SDAD1: variants seen among roughly 807,000 people sequenced by gnomAD.
The protein encoded by SDAD1 is SDA1 domain containing 1.
A neutral mutation model predicts 100.3 loss-of-function variants in SDAD1; 79 were observed. That is an observed-to-expected ratio of 0.79 (90% confidence interval 0.66 to 0.95). The LOEUF (loss-of-function observed/expected upper bound fraction) is 0.95. Among genes scored for constraint, SDAD1 ranks in the 40% least tolerant of loss-of-function variants. The probability of loss-of-function intolerance (pLI) is 0.00; values close to 1 mark genes in which losing one functional copy is unlikely to be tolerated. For missense variants in SDAD1, 790 were observed against 810.9 expected (o/e 0.97, Z 0.31); for synonymous variants, 267 against 271.4 (o/e 0.98, Z 0.16).
At position 75,957,874 on chromosome 4, in the gene SDAD1, G is replaced by C. The variant is rs138792182; in HGVS notation, c.1551C>G (p.His517Gln). ...TTTCTTGCTGTTCTTCATCGGAAGA[G>C]TGTTGCACATCAATCCATTCACCAT... ...DADGEWIDVQ[H>Q]SSDEEQQEIS... Residue 517 changes from histidine (H) to glutamine (Q), a missense_variant, in exon 18 of 22, where the codon CAC becomes CAG. Coordinates refer to ENST00000356260, the MANE Select transcript of SDAD1 (RefSeq NM_018115.4). 10 of 1,613,866 alleles carry C rather than the reference G, an allele frequency of 6.2e-6. No homozygotes were observed. In the East Asian group the frequency reaches 2.2e-4, roughly 36 times the overall value.
intron 8 of SDAD1, among the ~76,000 whole-genome samples, chr4:75,972,638 G>A (rs563886185): frequency 9.8e-6 from 1 of 102,544 alleles, no homozygotes; most frequent in Non-Finnish European, 1.9e-5. Context: ...ACACTAAAAT[G>A]GGGAAGGATA....
chr4:75,959,742 G>A (rs1402680248), intron 17 of SDAD1, among the ~76,000 whole-genome samples: 1 of 152,198 alleles, frequency 6.6e-6, no homozygotes, highest in Non-Finnish European at 1.5e-5. Context: ...AATTTTGGGG[G>A]ATTCCTCTAA....
At position 75,960,048 on chromosome 4, in the gene SDAD1, G is replaced by C; in HGVS notation, c.1483+18C>G. On this transcript the variant is annotated intron_variant, in intron 17 of 21. Coordinates refer to ENST00000356260, the MANE Select transcript of SDAD1 (RefSeq NM_018115.4). Reference sequence around the variant, plus strand: ...GCAGGAGTGTTTTGCCCAAAATAAGGGTGAAATAAAAATCAACCTTCATCA... The same window carrying C: ...GCAGGAGTGTTTTGCCCAAAATAAGCGTGAAATAAAAATCAACCTTCATCA... 1 of 1,602,838 alleles carries C rather than the reference G, an allele frequency of 6.2e-7. No homozygotes were observed. The highest frequency in any genetic ancestry group is 8.5e-7 in the Non-Finnish European group (1 of 1,176,860).
chr4:75,965,946 C>T (rs1266649787), intron 12 of SDAD1, 124 bp from the exon 13 acceptor site: 7 of 724,336 alleles, frequency 9.7e-6, no homozygotes, highest in Non-Finnish European at 1.4e-5. Context: ...CTGGAACACT[C>T]AATCCCCAGA....
At chr4:75,961,350 AT>A in intron 14 of SDAD1, 42 bp from the exon 15 acceptor site, 1 of 1,423,670 alleles carries the variant, frequency 7.0e-7, no homozygotes. Context: ...CCGAATAGCA[AT>A]TTTTTCATGA....
intron 17 of SDAD1, among the ~76,000 whole-genome samples, chr4:75,959,112 A>AAAAC (rs1729079413): frequency 8.3e-6 from 1 of 120,160 alleles, no homozygotes; most frequent in Non-Finnish European, 1.9e-5. Context: ...AAAAAAAAAA[A>AAAAC]AAAAAAAAAA....
intron 14 of SDAD1, among the ~76,000 whole-genome samples, chr4:75,963,352 G>C (rs1022439410): frequency 6.6e-6 from 1 of 152,078 alleles, no homozygotes; most frequent in Admixed American, 6.6e-5. Context: ...TTTTGGCTTA[G>C]GATTGTCTTG....
At chr4:75,976,793 T>C (rs1275137227) in intron 4 of SDAD1, among the ~76,000 whole-genome samples, 1 of 151,938 alleles carries the variant, frequency 6.6e-6, no homozygotes, top group Non-Finnish European at 1.5e-5. Flanking sequence ...TGCAGGAAAA[T>C]ACTGTGAATG....
intron 1 of SDAD1, among the ~76,000 whole-genome samples, chr4:75,989,832 G>A (rs926885100): frequency 2.0e-5 from 3 of 152,186 alleles, no homozygotes; most frequent in African/African-American, 7.2e-5. Flanking sequence ...ATTGCCATGT[G>A]TTAAAAAGCA....
At chr4:75,958,019 GA>G in intron 17 of SDAD1, 78 bp from the exon 18 acceptor site, 4 of 1,115,936 alleles carry the variant, frequency 3.6e-6, no homozygotes, top group Non-Finnish European at 5.5e-6. Context: ...GCAAGCAACA[GA>G]AAAGTAATGA....
At chr4:75,965,320 C>A (rs61279846) in intron 13 of SDAD1, among the ~76,000 whole-genome samples, 22,973 of 152,130 alleles carry the variant, frequency 0.15, 2,737 homozygotes, top group African/African-American at 0.33. Context: ...TGCTCTCAAA[C>A]CCTGTCTCCT....
chr4:75,968,044 T>G (rs892957798), intron 11 of SDAD1, among the ~76,000 whole-genome samples: 9 of 152,346 alleles, frequency 5.9e-5, no homozygotes, highest in African/African-American at 2.2e-4. Context: ...AAAAGTAGGA[T>G]GGGCCACTGA....
chr4:75,965,588 T>G (rs1729492618), intron 13 of SDAD1, among the ~76,000 whole-genome samples, 176 bp downstream of exon 13: 1 of 152,146 alleles, frequency 6.6e-6, no homozygotes, highest in Admixed American at 6.6e-5. Flanking sequence ...GACGCCCAGC[T>G]TTAAAATTTC....
intron 1 of SDAD1, among the ~76,000 whole-genome samples, chr4:75,986,169 C>T (rs1730879841): frequency 1.3e-5 from 2 of 151,946 alleles, no homozygotes. Context: ...CCCAGGTTTC[C>T]GTGCAGTGGT....
Position 75,967,295 on chromosome 4 carries a change from G to T in SDAD1, c.1027C>A (p.Leu343Met), listed in dbSNP as rs774667458. The change falls in exon 12 of 22, where the codon CTG (leucine) becomes ATG (methionine). Residue 343 changes from leucine to methionine, a missense_variant. Physicochemically the swap from Leu to Met is conservative, Grantham distance 15. Transcript: ENST00000356260. ...AGCTTACCTCTTTGGTGGGGCTGCA[G>T]AAACCTTTGCAAAAAGGGATAGAAA... Reference protein sequence around the residue: ...FNFYPFLQRFLQPHQREVTKI... With the variant: ...FNFYPFLQRFMQPHQREVTKI... The T allele has an allele frequency of 7.4e-6, 12 of 1,614,120 alleles. 1 individual carries two copies. The South Asian group carries it at 1.3e-4, about 18-fold the overall frequency.
chr4:75,961,821 T>C (rs1406426671), intron 14 of SDAD1, among the ~76,000 whole-genome samples: 1 of 151,790 alleles, frequency 6.6e-6, no homozygotes, highest in African/African-American at 2.4e-5. Context: ...GGTTCTATGG[T>C]TTGAATGTTC....
chr4:75,961,903 T>A (rs926550349), intron 14 of SDAD1, among the ~76,000 whole-genome samples: 1 of 152,144 alleles, frequency 6.6e-6, no homozygotes, highest in Non-Finnish European at 1.5e-5. Context: ...TTTTCACTGT[T>A]TTATTATTAT....
chr4:75,988,550 T>G (rs1327463009), intron 1 of SDAD1, among the ~76,000 whole-genome samples: 3 of 152,194 alleles, frequency 2.0e-5, no homozygotes, highest in African/African-American at 7.2e-5. Flanking sequence ...CCTATTGTCT[T>G]TTTTTCACAG....
At chr4:75,958,897 A>T (rs1399440538) in intron 17 of SDAD1, among the ~76,000 whole-genome samples, 9 of 151,496 alleles carry the variant, frequency 5.9e-5, no homozygotes, top group African/African-American at 2.2e-4. Context: ...GGAGATTGAG[A>T]CCATCCTAGC....
Sources: gnomAD v4.1 joint callset for allele counts (sites outside exome capture counted in the v4.1 genomes callset) on GRCh38, gnomAD v4.1.1 for gene constraint, MANE v1.5 for transcripts, NCBI Gene and HGNC (gene_info 2026-07-23, HGNC 2026-07-21) for gene names.